Variants in PKP4 observed in about 807,000 individuals in gnomAD.
PKP4 encodes plakophilin 4.
Under a neutral mutation model 145.1 loss-of-function variants are expected in PKP4, and 90 were observed. The observed-to-expected ratio is 0.62, with a 90% CI of 0.52 to 0.74. The LOEUF (loss-of-function observed/expected upper bound fraction) is 0.74, where lower values mean the gene tolerates loss of function less well. Ranked by LOEUF, PKP4 falls within the 30% of genes least tolerant of loss-of-function variation. PKP4 has a pLI of 0.00. For synonymous variants in PKP4, 563 were observed against 577.2 expected (o/e 0.98, Z 0.35); for missense variants, 1,340 against 1,482.7 (o/e 0.90, Z 1.58).
At chr2:158,497,685 G>A (rs543074746) in intron 1 of PKP4, among the ~76,000 whole-genome samples, 3 of 152,294 alleles carry the variant, frequency 2.0e-5, no homozygotes, top group South Asian at 2.1e-4. Context: ...GTGAAACAGC[G>A]ATAATGTGTA....
At chr2:158,642,816 A>G (rs1315933782) in intron 11 of PKP4, 117 bp downstream of exon 11, 1 of 651,754 alleles carries the variant, frequency 1.5e-6, no homozygotes, top group African/African-American at 1.8e-5. Context: ...AATGAGATAT[A>G]TATAGTGCTC....
intron 1 of PKP4, among the ~76,000 whole-genome samples, chr2:158,509,121 C>T (rs1415505696): frequency 6.6e-6 from 1 of 151,936 alleles, no homozygotes; most frequent in Non-Finnish European, 1.5e-5. Flanking sequence ...ATCTTGGGAA[C>T]ATCACAATAT....
chr2:158,523,317 C>A (rs1450413597), intron 1 of PKP4, among the ~76,000 whole-genome samples: 1 of 118,562 alleles, frequency 8.4e-6, no homozygotes, highest in Non-Finnish European at 1.7e-5. Context: ...AAGTGGGTCC[C>A]TGACCCCTGA....
intron 1 of PKP4, among the ~76,000 whole-genome samples, chr2:158,461,616 T>C (rs575029069): frequency 8.1e-4 from 123 of 152,040 alleles, no homozygotes; most frequent in African/African-American, 2.9e-3. Context: ...TAGCTAGATA[T>C]AGAATAATAC....
At chr2:158,498,812 G>GTGT (rs1345816847) in intron 1 of PKP4, among the ~76,000 whole-genome samples, 1 of 138,094 alleles carries the variant, frequency 7.2e-6, no homozygotes, top group Non-Finnish European at 1.5e-5. Context: ...TGGGTTGTGA[G>GTGT]TGTTTTTTTT....
intron 7 of PKP4, among the ~76,000 whole-genome samples, chr2:158,626,679 A>AT (rs1288661213): frequency 6.6e-6 from 1 of 152,178 alleles, no homozygotes; most frequent in Non-Finnish European, 1.5e-5. Context: ...AGTGCTGCAT[A>AT]TTCCAAGTTT....
At chr2:158,457,262 C>A (rs966665963) in intron 1 of PKP4, 44 bp downstream of exon 1, 2 of 151,876 alleles carry the variant, frequency 1.3e-5, no homozygotes, top group Admixed American at 1.3e-4. Flanking sequence ...CTCCTGCCCA[C>A]GAGACCCTCG....
chr2:158,621,470 G>A, intron 6 of PKP4, 49 bp downstream of exon 6: 11 of 1,501,876 alleles, frequency 7.3e-6, no homozygotes, highest in Non-Finnish European at 1.0e-5. Context: ...TTCCGGCCGG[G>A]CACAGTGGCT....
chr2:158,616,441 A>G (rs977652092), intron 4 of PKP4, among the ~76,000 whole-genome samples: 1 of 152,170 alleles, frequency 6.6e-6, no homozygotes, highest in African/African-American at 2.4e-5. Flanking sequence ...CCATGACCAG[A>G]GAGGAAGTTG....
chr2:158,533,273 C>T lies in PKP4; in HGVS notation c.89C>T (p.Pro30Leu). ...GCCTCCACTGGCCCAGGCATGGAAC[C>T]CGAGACCACAGCCACCACTATTCTA... ...EAASTGPGME[P>L]ETTATTILAS... Residue 30 changes from proline (P) to leucine (L), a missense_variant, in exon 2 of 22, where the codon CCC (proline) becomes CTC (leucine). By Grantham distance (98) the Pro-to-Leu change is moderately conservative. Coordinates refer to ENST00000389759, the MANE Select transcript of PKP4 (RefSeq NM_003628.6). The T allele has an allele frequency of 6.2e-7, 1 of 1,614,146 alleles. No homozygotes were observed. Among genetic ancestry groups the T allele is most frequent in the Non-Finnish European group, 8.5e-7 (1 of 1,180,030 alleles).
At chr2:158,515,302 T>C (rs1265046039) in intron 1 of PKP4, among the ~76,000 whole-genome samples, 1 of 152,192 alleles carries the variant, frequency 6.6e-6, no homozygotes, top group African/African-American at 2.4e-5. Context: ...AATCATTTAT[T>C]CATTTACTTT....
chr2:158,490,494 GTTATT>G (rs1694789291), intron 1 of PKP4, among the ~76,000 whole-genome samples: 1 of 152,126 alleles, frequency 6.6e-6, no homozygotes, highest in Non-Finnish European at 1.5e-5. Flanking sequence ...ATTTCCACTT[GTTATT>G]TTTAAAAGAA....
chr2:158,519,082 G>A (rs1211316181), intron 1 of PKP4, among the ~76,000 whole-genome samples: 5 of 150,154 alleles, frequency 3.3e-5, no homozygotes, highest in Non-Finnish European at 7.4e-5. Flanking sequence ...GTAAACAGAT[G>A]TCATTCCTGC....
intron 1 of PKP4, among the ~76,000 whole-genome samples, chr2:158,506,392 G>C (rs1391115913): frequency 1.3e-5 from 2 of 152,158 alleles, no homozygotes; most frequent in Non-Finnish European, 2.9e-5. Context: ...TAAGAATTTG[G>C]CAGACAGCTC....
intron 1 of PKP4, among the ~76,000 whole-genome samples, chr2:158,502,742 G>T (rs3919566): frequency 6.6e-6 from 1 of 152,076 alleles, no homozygotes; most frequent in African/African-American, 2.4e-5. Context: ...CAAAAGTTGG[G>T]TTAACCCGCA....
At chr2:158,484,743 G>C (rs925691818) in intron 1 of PKP4, among the ~76,000 whole-genome samples, 1 of 152,188 alleles carries the variant, frequency 6.6e-6, no homozygotes, top group African/African-American at 2.4e-5. Flanking sequence ...TGGGTTGTTA[G>C]CCATGAAACT....
At chr2:158,565,797 G>C (rs1051475307) in intron 2 of PKP4, among the ~76,000 whole-genome samples, 9 of 152,090 alleles carry the variant, frequency 5.9e-5, no homozygotes, top group African/African-American at 1.9e-4. Flanking sequence ...TATGGCTTAT[G>C]GTTATCAATA....
Position 158,661,330 on chromosome 2 carries a change from T to A in PKP4, c.2094-3T>A. The A allele has an allele frequency of 6.2e-7, 1 of 1,610,606 alleles. No individual in the cohort carries two copies. Among genetic ancestry groups the A allele is most frequent in the Non-Finnish European group, 8.5e-7 (1 of 1,177,170 alleles). ...GCAGCTCCTCCTGTCTCCACCCCTT[T>A]AGGAACCTCAGCTCCGCGGGGGAAG... On this transcript the variant is annotated splice_polypyrimidine_tract_variant and splice_region_variant and intron_variant, in intron 12 of 21. Coordinates refer to ENST00000389759, the MANE Select transcript of PKP4 (RefSeq NM_003628.6).
At chr2:158,479,852 G>A (rs1693070199) in intron 1 of PKP4, among the ~76,000 whole-genome samples, 1 of 152,162 alleles carries the variant, frequency 6.6e-6, no homozygotes, top group Non-Finnish European at 1.5e-5. Context: ...AAGCATTTAT[G>A]ATTCCTCTGT....
Sources: allele counts gnomAD v4.1 joint callset (sites outside exome capture counted in the v4.1 genomes callset), GRCh38; gene constraint gnomAD v4.1.1; transcripts MANE v1.5; gene names NCBI Gene and HGNC (gene_info 2026-07-23, HGNC 2026-07-21).